Variants in CTNNA2 observed in about 807,000 individuals in gnomAD.
The protein encoded by CTNNA2 is catenin alpha 2, also known as catenin alpha-2.
Under a neutral mutation model 101.0 loss-of-function variants are expected in CTNNA2, and 42 were observed. The observed-to-expected ratio is 0.42, with a 90% confidence interval of 0.32 to 0.54. The LOEUF is 0.54. Ranked by LOEUF, CTNNA2 falls within the 20% of genes least tolerant of loss-of-function variation. The pLI, the probability that CTNNA2 is intolerant of heterozygous loss-of-function variation, is 0.14. For missense variants in CTNNA2, 871 were observed against 1,223.1 expected (o/e 0.71, Z 4.29); for synonymous variants, 450 against 456.4 (o/e 0.99, Z 0.18).
chr2:79,783,238 G>A (rs553687857), intron 3 of CTNNA2, among the ~76,000 whole-genome samples: 3 of 152,276 alleles, frequency 2.0e-5, no homozygotes, highest in Non-Finnish European at 1.5e-5. Flanking sequence ...CAGAATCAGA[G>A]TCTTAGAGAG....
chr2:80,529,718 A>T (rs944955900), intron 9 of CTNNA2, among the ~76,000 whole-genome samples: 1 of 152,234 alleles, frequency 6.6e-6, no homozygotes, highest in African/African-American at 2.4e-5. Context: ...AGCAAGTTAC[A>T]TAGAATTTCA....
chr2:79,636,238 C>G (rs1350181510), intron 1 of CTNNA2, among the ~76,000 whole-genome samples: 1 of 137,332 alleles, frequency 7.3e-6, no homozygotes, highest in East Asian at 2.2e-4. Flanking sequence ...CCACTGCACT[C>G]CAGCCTGGGC....
chr2:80,585,008 T>C (rs1202407233), intron 14 of CTNNA2, among the ~76,000 whole-genome samples: 2 of 152,168 alleles, frequency 1.3e-5, no homozygotes, highest in African/African-American at 4.8e-5. Context: ...CTACTTATTA[T>C]ACTGCTTTAA....
At position 79,748,648 on chromosome 2, in the gene CTNNA2, C is replaced by T. The variant is rs569818600; in HGVS notation, c.298+4066C>T. ...GTTTCACAACATTCATTATAATTAC[C>T]CCATCTGTCAAGATTATAGAATTAT... On this transcript the variant is annotated intron_variant, in intron 3 of 18. Transcript: ENST00000402739. Among the ~76,000 whole-genome samples the T allele has an allele frequency of 4.0e-5, 6 of 151,786 alleles. No homozygotes were observed. The East Asian group carries it at 1.2e-3, about 29-fold the overall frequency.
chr2:79,593,500 A>G (rs533966031), intron 1 of CTNNA2, among the ~76,000 whole-genome samples: 1 of 152,236 alleles, frequency 6.6e-6, no homozygotes, highest in East Asian at 1.9e-4. Flanking sequence ...GGTCTAGTTT[A>G]TCTTCACTCC....
At chr2:79,830,678 G>A (rs917385018) in intron 3 of CTNNA2, among the ~76,000 whole-genome samples, 1 of 152,178 alleles carries the variant, frequency 6.6e-6, no homozygotes, top group Admixed American at 6.5e-5. Flanking sequence ...TGGTCTAGCA[G>A]CAGGAAGGAG....
intron 4 of CTNNA2, among the ~76,000 whole-genome samples, chr2:79,390,877 T>A (rs1221648383): frequency 2.0e-5 from 3 of 152,136 alleles, no homozygotes; most frequent in Admixed American, 6.6e-5. Flanking sequence ...GCTCAACCAC[T>A]CTGCTCAACG....
intron 2 of CTNNA2, among the ~76,000 whole-genome samples, chr2:79,701,716 T>C (rs1685012586): frequency 6.6e-6 from 1 of 152,064 alleles, no homozygotes; most frequent in Non-Finnish European, 1.5e-5. Context: ...TTAAAGAGGA[T>C]GTAGGCCGGA....
chr2:79,654,513 T>C (rs1048528441), intron 2 of CTNNA2, among the ~76,000 whole-genome samples: 1 of 152,158 alleles, frequency 6.6e-6, no homozygotes, highest in Admixed American at 6.5e-5. Flanking sequence ...TAAACTGTTA[T>C]ATTTCCTTCG....
intron 2 of CTNNA2, among the ~76,000 whole-genome samples, chr2:79,694,318 G>T (rs1439742025): frequency 6.6e-6 from 1 of 151,892 alleles, no homozygotes; most frequent in East Asian, 1.9e-4. Flanking sequence ...AATGTATTAT[G>T]AAAGAAAACA....
At chr2:79,598,699 G>T (rs926916116) in intron 1 of CTNNA2, among the ~76,000 whole-genome samples, 1 of 152,064 alleles carries the variant, frequency 6.6e-6, no homozygotes, top group Admixed American at 6.6e-5. Context: ...GGATATTTTG[G>T]ATAACAGTTC....
chr2:79,360,932 G>C (rs1677613551), intron 3 of CTNNA2, among the ~76,000 whole-genome samples: 1 of 152,026 alleles, frequency 6.6e-6, no homozygotes, highest in African/African-American at 2.4e-5. Flanking sequence ...TGAATGTATA[G>C]ATGTTTAGCT....
intron 6 of CTNNA2, among the ~76,000 whole-genome samples, chr2:79,900,731 A>C (rs572216828): frequency 6.6e-6 from 1 of 152,340 alleles, no homozygotes; most frequent in Non-Finnish European, 1.5e-5. Flanking sequence ...CACAAAATTT[A>C]AATATTAAAA....
intron 4 of CTNNA2, among the ~76,000 whole-genome samples, chr2:79,459,713 A>T (rs1216178227): frequency 6.6e-6 from 1 of 152,122 alleles, no homozygotes; most frequent in Non-Finnish European, 1.5e-5. Context: ...AAGAAAATTT[A>T]CTGATTGTTT....
chr2:79,844,376 G>A (rs1680046618), intron 3 of CTNNA2, among the ~76,000 whole-genome samples: 1 of 152,144 alleles, frequency 6.6e-6, no homozygotes, highest in South Asian at 2.1e-4. Flanking sequence ...AGTGTCTGGA[G>A]ATTGAAGGAA....
At chr2:79,822,368 T>G (rs1372043726) in intron 3 of CTNNA2, among the ~76,000 whole-genome samples, 3 of 152,204 alleles carry the variant, frequency 2.0e-5, no homozygotes, top group Non-Finnish European at 4.4e-5. Flanking sequence ...ACAATTTTTA[T>G]TCACTTAAAT....
intron 2 of CTNNA2, among the ~76,000 whole-genome samples, chr2:79,302,892 C>T (rs1676146507): frequency 6.6e-6 from 1 of 152,166 alleles, no homozygotes; most frequent in Admixed American, 6.5e-5. Context: ...AGCCTCACAA[C>T]CACACAGAAT....
At chr2:80,555,644 G>T (rs1386150737) in intron 11 of CTNNA2, 49 bp from the exon 12 acceptor site, 2 of 1,181,790 alleles carry the variant, frequency 1.7e-6, no homozygotes. Flanking sequence ...AATTGGTTAA[G>T]TTCTGAGTTA....
At chr2:79,386,469 C>G (rs996722171) in intron 4 of CTNNA2, among the ~76,000 whole-genome samples, 3 of 152,136 alleles carry the variant, frequency 2.0e-5, no homozygotes, top group African/African-American at 7.2e-5. Context: ...TTAGAATGCA[C>G]TTTTTTCTTC....
Sources: gnomAD v4.1 joint callset for allele counts (sites outside exome capture counted in the v4.1 genomes callset) on GRCh38, gnomAD v4.1.1 for gene constraint, MANE v1.5 for transcripts, NCBI Gene and HGNC (gene_info 2026-07-23, HGNC 2026-07-21) for gene names.